The following ERAP2 variants were observed in gnomAD, a reference collection of about 807,000 sequenced individuals.
ERAP2 encodes the protein endoplasmic reticulum aminopeptidase 2, also known as leukocyte-derived arginine aminopeptidase.
ERAP2 carries 118 observed loss-of-function variants against 111.1 expected under a neutral mutation model. That is an observed-to-expected ratio of 1.06 (90% CI 0.92 to 1.24). ERAP2 has a LOEUF of 1.24. Ranked by LOEUF, ERAP2 falls within the 50% of genes most tolerant of loss-of-function variation. ERAP2 has a pLI of 0.00. For missense variants in ERAP2, 1,131 were observed against 1,125.8 expected (o/e 1.00, Z -0.07); for synonymous variants, 410 against 401.2 (o/e 1.02, Z -0.26).
At chr5:96,900,071 G>A in intron 9 of ERAP2, 50 bp from the exon 10 acceptor site, 1 of 1,609,938 alleles carries the variant, frequency 6.2e-7, no homozygotes, top group Non-Finnish European at 8.5e-7. Flanking sequence ...TGCACGTTCA[G>A]CCAACTAATG....
intron 18 of ERAP2, among the ~76,000 whole-genome samples, chr5:96,916,344 C>T (rs1787381672): frequency 6.6e-6 from 1 of 151,478 alleles, no homozygotes; most frequent in Non-Finnish European, 1.5e-5. Flanking sequence ...GAGGTGAGCC[C>T]TTTTGTATTA....
At chr5:96,901,944 T>G (rs1291151657) in intron 11 of ERAP2, among the ~76,000 whole-genome samples, 3 of 152,206 alleles carry the variant, frequency 2.0e-5, no homozygotes, top group African/African-American at 7.2e-5. Context: ...GGCTGGCAGT[T>G]TTTGAAAATG....
rs774468663 is a variant in ERAP2 at position 96,903,502 on chromosome 5, A to C, written c.1954A>C (p.Thr652Pro). 3.7e-6 allele frequency: 6 copies of C among 1,614,018 alleles called. No individual in the cohort carries two copies. The highest frequency in any genetic ancestry group is 1.7e-5 in the Admixed American group (1 of 59,988). The change falls in exon 13 of 19, where the codon ACA becomes CCA. Residue 652 changes from threonine (T) to proline (P), a missense_variant. Thr to Pro is a conservative substitution (Grantham distance 38). Transcript: ENST00000437043. ...CATTACACAGCTGAATCAGAACCAC[A>C]CACTTCTCAGACCTAAGGACAGAGT... ...QLITQLNQNH[T>P]LLRPKDRVGL...
At chr5:96,877,389 G>A (rs1782650274) in intron 1 of ERAP2, among the ~76,000 whole-genome samples, 1 of 151,084 alleles carries the variant, frequency 6.6e-6, no homozygotes. Context: ...TATCAATCAA[G>A]TACATCTCTA....
Position 96,879,540 on chromosome 5 carries a change from T to C in ERAP2, c.-122-24T>C. On this transcript the variant is annotated intron_variant, in intron 1 of 18. Coordinates refer to ENST00000437043, the MANE Select transcript of ERAP2 (RefSeq NM_022350.5). ...TAAATTGAAATCTTTTTTGTCATGC[T>C]ATAAGTGTGTTTTTTTCTTCTAGAT... 4.8e-6 allele frequency: 3 copies of C among 620,900 alleles called. No homozygotes were observed. In the South Asian group the frequency reaches 6.5e-5, roughly 13 times the overall value. The allele number at this position is 620,900 out of a possible 1,614,324, so 38.5% of individuals were successfully genotyped here.
chr5:96,909,873 A>C (rs1292295673), intron 15 of ERAP2, 109 bp downstream of exon 15: 4 of 1,122,774 alleles, frequency 3.6e-6, no homozygotes, highest in African/African-American at 1.6e-5. Context: ...AGAAAAAAAA[A>C]CATGCTGGGC....
intron 15 of ERAP2, 116 bp downstream of exon 15, chr5:96,909,880 G>A (rs1342070663): frequency 1.2e-5 from 12 of 1,031,044 alleles, no homozygotes; most frequent in Non-Finnish European, 1.5e-5. Context: ...AAAACATGCT[G>A]GGCATTACAA....
At position 96,917,682 on chromosome 5, in the gene ERAP2, G is replaced by A. The variant is rs903479421; in HGVS notation, c.*77G>A. 44 of 1,189,852 alleles carry A rather than the reference G, an allele frequency of 3.7e-5. No homozygotes were observed. The highest frequency in any genetic ancestry group is 6.3e-5 in the African/African-American group (4 of 63,538). 73.7% of individuals were successfully genotyped at this position (1,189,852 alleles called of 1,614,324 possible). ...AGCACTTTGGGAGGCTGAGAAGGGC[G>A]GATCACGAGGTCAGGAGATGGAGAC... On this transcript the variant is annotated 3_prime_UTR_variant, in exon 19 of 19. Coordinates refer to ENST00000437043, the MANE Select transcript of ERAP2 (RefSeq NM_022350.5).
rs578057926 is a variant in ERAP2, at chr5:96,903,424, G to A, written c.1876G>A (p.Asp626Asn). ...EKTSWVKFNV[D>N]SNGYYIVHYE... is the part of the protein sequence containing the mutation. ...GACCAGTTGGGTGAAATTTAATGTG[G>A]ACTCAAATGGTTACTACATCGTTCA... The change falls in exon 13 of 19, where the codon GAC becomes AAC. Residue 626 changes from aspartate (D) to asparagine (N), a missense_variant. Physicochemically the swap from Asp to Asn is conservative, Grantham distance 23. Around this residue, in one of 3 missense-constraint regions of ERAP2, gnomAD observed 847 missense variants for 856.5 expected, o/e 0.99. Transcript: ENST00000437043. The A allele has an allele frequency of 6.2e-7, 1 of 1,613,714 alleles. No individual in the cohort carries two copies. The highest frequency in any genetic ancestry group is 2.2e-5 in the East Asian group (1 of 44,860).
At chr5:96,884,383 C>T (rs55770741) in intron 3 of ERAP2, among the ~76,000 whole-genome samples, 93,970 of 151,990 alleles carry the variant, frequency 0.62, 29,181 homozygotes, top group Middle Eastern at 0.74. Flanking sequence ...CCACTGCTGA[C>T]GGTCCAGAGA....
rs116686438 is a variant in ERAP2, at chr5:96,885,510, A to C, written c.715-1145A>C. Among the ~76,000 whole-genome samples the C allele has an allele frequency of 2.8e-3, 421 of 152,368 alleles. 2 individuals carry two copies. Among genetic ancestry groups the C allele is most frequent in the Non-Finnish European group, 4.8e-3 (326 of 68,032 alleles). On this transcript the variant is annotated intron_variant, in intron 3 of 18. Transcript: ENST00000437043. Reference sequence around the variant, plus strand: ...AAATAGATTTCAAATAGAATTCAGCAAAATTAAATTCTGTAGAATTTAGTA... The same window carrying C: ...AAATAGATTTCAAATAGAATTCAGCCAAATTAAATTCTGTAGAATTTAGTA...
chr5:96,911,625 C>T (rs1345962246), intron 15 of ERAP2, among the ~76,000 whole-genome samples: 1 of 151,922 alleles, frequency 6.6e-6, no homozygotes, highest in Non-Finnish European at 1.5e-5. Context: ...GTAGCTCATG[C>T]CTGTAAGGCC....
chr5:96,918,794 T>G lies in ERAP2; in HGVS notation c.*1189T>G, dbSNP rs1480961156. 1.3e-5 allele frequency: 2 copies of G among 152,224 alleles called. No homozygotes were observed. The highest frequency in any genetic ancestry group is 1.3e-4 in the Admixed American group (2 of 15,284). The allele number at this position is 152,224 out of a possible 1,614,324, so 9.4% of individuals were successfully genotyped here. A position where few individuals can be genotyped will look rare whatever the true frequency, so the allele number is the denominator to read the frequency against. On this transcript the variant is annotated 3_prime_UTR_variant, in exon 19 of 19. Coordinates refer to ENST00000437043, the MANE Select transcript of ERAP2 (RefSeq NM_022350.5). ...CAGAATTAGATTGTATTGTGTATTT[T>G]CGGTTAAATGATAATTGAATGTAAA...
intron 14 of ERAP2, 42 bp downstream of exon 14, chr5:96,909,159 T>C (rs539380925): frequency 1.3e-5 from 20 of 1,585,814 alleles, no homozygotes; most frequent in Middle Eastern, 1.7e-4. Flanking sequence ...AAATACACAG[T>C]GTCTGGAGTA....
rs140094635 is a variant in ERAP2 at position 96,909,822 on chromosome 5, G to A, written c.2354+58G>A. On this transcript the variant is annotated intron_variant, in intron 15 of 18. Transcript: ENST00000437043. ...TTTTCTCTTTGATGTAAAAGTCTTT[G>A]ATCAAGCAAGACATTAGGTCTAAAA... The A allele has an allele frequency of 7.1e-5, 109 of 1,538,258 alleles. No homozygotes were observed. The African/African-American group carries it at 1.3e-3, about 18-fold the overall frequency.
At chr5:96,878,221 C>T (rs943367441) in intron 1 of ERAP2, among the ~76,000 whole-genome samples, 9 of 109,798 alleles carry the variant, frequency 8.2e-5, no homozygotes, top group Non-Finnish European at 1.3e-4. Context: ...GGAAAAGAAC[C>T]GAACCTTAAA....
Position 96,917,777 on chromosome 5 carries a change from G to A in ERAP2, c.*172G>A, listed in dbSNP as rs1450490046. On this transcript the variant is annotated 3_prime_UTR_variant, in exon 19 of 19. Transcript: ENST00000437043. ...AAAAATTAGCCGGGCATGGTGGCAG[G>A]TGCCTGTAGTCCCAGCTACTCGGCA... The A allele has an allele frequency of 5.0e-6, 2 of 401,668 alleles. No individual in the cohort carries two copies. The highest frequency in any genetic ancestry group is 9.0e-6 in the Non-Finnish European group (2 of 223,454). The allele number at this position is 401,668 out of a possible 1,614,324, so 24.9% of individuals were successfully genotyped here. A position where few individuals can be genotyped will look rare whatever the true frequency, so the allele number is the denominator to read the frequency against.
At chr5:96,913,266 C>A in intron 16 of ERAP2, 51 bp from the exon 17 acceptor site, 1 of 1,468,586 alleles carries the variant, frequency 6.8e-7, no homozygotes, top group Non-Finnish European at 9.4e-7. Flanking sequence ...GAGTTAATGT[C>A]CATGTACATA....
Position 96,917,930 on chromosome 5 carries a change from AAAAAGAAAAAG to A in ERAP2, c.*335_*345del. The A allele has an allele frequency of 6.3e-6, 1 of 158,176 alleles. No homozygotes were observed. Among genetic ancestry groups the A allele is most frequent in the African/African-American group, 2.5e-5 (1 of 40,346 alleles). 9.8% of individuals were successfully genotyped at this position (158,176 alleles called of 1,614,324 possible). On this transcript the variant is annotated 3_prime_UTR_variant, in exon 19 of 19. Transcript: ENST00000437043. The stretch of plus-strand genomic sequence containing the variant: ...CAAAAAAAAAAAAAAAAAAAAAAAG[AAAAAGAAAAAG>A]AAAAGAAAAGAAAAGGTACATCAGA...
Sources: allele counts gnomAD v4.1 joint callset (sites outside exome capture counted in the v4.1 genomes callset), GRCh38; gene constraint gnomAD v4.1.1; regional missense constraint gnomAD v4.1.1; transcripts MANE v1.5; gene names NCBI Gene and HGNC (gene_info 2026-07-23, HGNC 2026-07-21).